The following KCNAB1 variants were observed in gnomAD, a reference collection of about 807,000 sequenced individuals.
KCNAB1 encodes potassium voltage-gated channel subfamily A regulatory beta subunit 1, also known as voltage-gated potassium channel subunit beta-1.
KCNAB1 carries 35 observed loss-of-function variants against 64.6 expected under a neutral mutation model. The observed-to-expected ratio is 0.54, with a 90% confidence interval of 0.41 to 0.72. KCNAB1 has a LOEUF of 0.72. Among genes scored for constraint, KCNAB1 ranks in the 30% least tolerant of loss-of-function variants. KCNAB1 has a pLI of 0.00. For synonymous variants in KCNAB1, 177 were observed against 183.8 expected, an observed-to-expected ratio of 0.96 and a Z score of 0.30; for missense variants, 401 against 512.9, an observed-to-expected ratio of 0.78 and a Z score of 2.11.
intron 1 of KCNAB1, among the ~76,000 whole-genome samples, chr3:156,160,480 C>G (rs1716011791): frequency 6.6e-6 from 1 of 152,176 alleles, no homozygotes; most frequent in Non-Finnish European, 1.5e-5. Flanking sequence ...CCCCACCCCT[C>G]AACCCTTTTG....
Position 156,395,202 on chromosome 3 carries a change from T to G in KCNAB1, c.276-26414T>G, listed in dbSNP as rs115457996. Among the ~76,000 whole-genome samples the G allele has an allele frequency of 7.3e-3, 1,105 of 152,254 alleles. 8 individuals are homozygous for G. The highest frequency in any genetic ancestry group is 0.025 in the African/African-American group (1,053 of 41,532). On this transcript the variant is annotated intron_variant, in intron 1 of 13. Transcript: ENST00000490337. ...CAAATGGCTTGTTCTTCTTCTTGTG[T>G]ACTTAATCAATAAATTTTCAGCTGT...
intron 1 of KCNAB1, among the ~76,000 whole-genome samples, chr3:156,233,700 G>A (rs1560150076): frequency 6.6e-6 from 1 of 152,108 alleles, no homozygotes; most frequent in East Asian, 1.9e-4. Flanking sequence ...GGCCCAGGCA[G>A]GGGAAGTATA....
rs192244038 is a variant in KCNAB1 at position 156,526,556 on chromosome 3, C to T, written c.1081+2609C>T. On this transcript the variant is annotated intron_variant, in intron 12 of 13. Transcript: ENST00000490337. ...CACATTCCAATTCAGGCTAGACACA[C>T]GTTGCATGCTCAATAGCCACGTGCT... Among the ~76,000 whole-genome samples the T allele has an allele frequency of 6.6e-5, 10 of 152,284 alleles. No individual in the cohort carries two copies. In the East Asian group the frequency reaches 1.5e-3, roughly 24 times the overall value.
At chr3:156,183,417 C>T (rs1275212267) in intron 1 of KCNAB1, among the ~76,000 whole-genome samples, 1 of 152,200 alleles carries the variant, frequency 6.6e-6, no homozygotes, top group Non-Finnish European at 1.5e-5. Context: ...GGGATTGTCA[C>T]ATTCACTGGA....
chr3:156,453,783 C>A (rs1354505860), intron 3 of KCNAB1, among the ~76,000 whole-genome samples: 1 of 152,148 alleles, frequency 6.6e-6, no homozygotes, highest in African/African-American at 2.4e-5. Flanking sequence ...AGTGGGTGCA[C>A]TGAGTGGGAT....
chr3:156,246,999 G>A (rs1454432973), intron 1 of KCNAB1, among the ~76,000 whole-genome samples: 1 of 152,148 alleles, frequency 6.6e-6, no homozygotes, highest in Admixed American at 6.5e-5. Flanking sequence ...CAATGCATAA[G>A]AAACCATTCC....
chr3:156,445,303 A>G lies in KCNAB1; in HGVS notation c.320-7596A>G, dbSNP rs867753232. 5.9e-5 allele frequency among the ~76,000 whole-genome samples: 9 copies of G among 152,174 alleles called. 1 individual carries two copies. The highest frequency in any genetic ancestry group is 2.1e-4 in the South Asian group (1 of 4,828). On this transcript the variant is annotated intron_variant, in intron 2 of 13. Coordinates refer to ENST00000490337, the MANE Select transcript of KCNAB1 (RefSeq NM_172160.3). Reference sequence around the variant, plus strand: ...AGAGCGAGACTCTGTCTCTGAAACAAAAACCAAAACAAAGCACAAAGGAAA... The same window carrying G: ...AGAGCGAGACTCTGTCTCTGAAACAGAAACCAAAACAAAGCACAAAGGAAA...
chr3:156,305,858 G>A (rs1001364388), intron 1 of KCNAB1, among the ~76,000 whole-genome samples: 4 of 152,216 alleles, frequency 2.6e-5, no homozygotes, highest in Admixed American at 6.5e-5. Context: ...AGTTGCAAAA[G>A]AGAAAGTGGA....
chr3:156,421,752 T>G lies in KCNAB1; in HGVS notation c.319+93T>G, dbSNP rs549831118. On this transcript the variant is annotated intron_variant, in intron 2 of 13. Coordinates refer to ENST00000490337, the MANE Select transcript of KCNAB1 (RefSeq NM_172160.3). ...GACTGTGGTCTAGGCCAGGACCTGGTCTCAGATGAGGAGGAGGCTTCCTGG... is the reference window on the plus strand; with the variant it reads ...GACTGTGGTCTAGGCCAGGACCTGGGCTCAGATGAGGAGGAGGCTTCCTGG... 3.7e-5 allele frequency: 41 copies of G among 1,103,698 alleles called. No homozygotes were observed. The East Asian group carries it at 4.8e-4, about 13-fold the overall frequency. The allele number at this position is 1,103,698 out of a possible 1,614,324, so 68.4% of individuals were successfully genotyped here. A position where few individuals can be genotyped will look rare whatever the true frequency, so the allele number is the denominator to read the frequency against.
chr3:156,144,331 TG>T (rs1714914123), intron 1 of KCNAB1, among the ~76,000 whole-genome samples: 1 of 152,240 alleles, frequency 6.6e-6, no homozygotes, highest in Non-Finnish European at 1.5e-5. Flanking sequence ...TTCCAAAATC[TG>T]AAGGTCTATT....
At chr3:156,496,056 A>C (rs2108359021) in intron 8 of KCNAB1, among the ~76,000 whole-genome samples, 1 of 152,258 alleles carries the variant, frequency 6.6e-6, no homozygotes, top group East Asian at 1.9e-4. Flanking sequence ...CCCCTGAAGC[A>C]CAAGGAAATG....
At chr3:156,432,893 AAG>A (rs1207833656) in intron 2 of KCNAB1, among the ~76,000 whole-genome samples, 1 of 152,070 alleles carries the variant, frequency 6.6e-6, no homozygotes, top group Non-Finnish European at 1.5e-5. Flanking sequence ...CTCAGGGCAA[AAG>A]AGAGGAGCAC....
Position 156,124,602 on chromosome 3 carries a change from C to A in KCNAB1, c.275+3716C>A, listed in dbSNP as rs137887924. On this transcript the variant is annotated intron_variant, in intron 1 of 13. Transcript: ENST00000490337. ...ACATATACACATATACAGAGATATG[C>A]AAATATATATTTATTTATTCTTAAT... is the stretch of plus-strand genomic sequence containing the variant. Among the ~76,000 whole-genome samples the A allele has an allele frequency of 2.4e-3, 362 of 152,092 alleles. 3 individuals are homozygous for A. Among genetic ancestry groups the A allele is most frequent in the African/African-American group, 8.4e-3 (349 of 41,492 alleles).
chr3:156,494,008 G>A (rs1715825313), intron 8 of KCNAB1, among the ~76,000 whole-genome samples: 1 of 152,048 alleles, frequency 6.6e-6, no homozygotes, highest in Non-Finnish European at 1.5e-5. Flanking sequence ...AAGTCTCTTT[G>A]GGGGAGATAC....
intron 1 of KCNAB1, among the ~76,000 whole-genome samples, chr3:156,203,755 T>A (rs1263308210): frequency 2.0e-5 from 3 of 152,226 alleles, no homozygotes; most frequent in Non-Finnish European, 4.4e-5. Flanking sequence ...GTTTTTTATC[T>A]GAAAGTATTT....
intron 1 of KCNAB1, among the ~76,000 whole-genome samples, chr3:156,216,729 A>G (rs994321170): frequency 4.6e-5 from 7 of 152,114 alleles, no homozygotes; most frequent in Admixed American, 2.0e-4. Context: ...TCTCCTTTAA[A>G]TTCCCCTACT....
At chr3:156,253,364 C>T (rs1370862568) in intron 1 of KCNAB1, among the ~76,000 whole-genome samples, 4 of 152,222 alleles carry the variant, frequency 2.6e-5, no homozygotes, top group African/African-American at 7.2e-5. Flanking sequence ...GTCCTTTGGG[C>T]TCCAGGGCTG....
intron 10 of KCNAB1, among the ~76,000 whole-genome samples, chr3:156,515,797 T>C (rs1188759969): frequency 2.0e-5 from 3 of 151,238 alleles, no homozygotes; most frequent in Non-Finnish European, 4.4e-5. Flanking sequence ...ATCAAAAGTT[T>C]CCAGAAATAA....
intron 1 of KCNAB1, chr3:156,291,662 G>T (rs1720432504): frequency 1.4e-6 from 2 of 1,386,350 alleles, no homozygotes. Flanking sequence ...CAGCTGCTGT[G>T]ACAACTTCGG....
Sources: allele counts gnomAD v4.1 joint callset (sites outside exome capture counted in the v4.1 genomes callset), GRCh38; gene constraint gnomAD v4.1.1; transcripts MANE v1.5; gene names NCBI Gene and HGNC (gene_info 2026-07-23, HGNC 2026-07-21).